The following SPOCK3 variants were observed in gnomAD, a reference collection of about 807,000 sequenced individuals.
SPOCK3 encodes testican-3.
SPOCK3 carries 30 observed loss-of-function variants against 56.6 expected under a neutral mutation model. The observed-to-expected ratio is 0.53, with a 90% confidence interval of 0.40 to 0.72. SPOCK3 has a LOEUF of 0.72. Among genes scored for constraint, SPOCK3 ranks in the 30% least tolerant of loss-of-function variants. The pLI is 0.00. For missense variants in SPOCK3, 527 were observed against 530.0 expected (o/e 0.99, Z 0.06); for synonymous variants, 196 against 183.3 (o/e 1.07, Z -0.56).
intron 6 of SPOCK3, among the ~76,000 whole-genome samples, chr4:166,862,388 C>T (rs1179079902): frequency 6.6e-6 from 1 of 151,808 alleles, no homozygotes; most frequent in Non-Finnish European, 1.5e-5. Flanking sequence ...TAAAAAGTAA[C>T]AAAGAGGGAA....
intron 5 of SPOCK3, among the ~76,000 whole-genome samples, chr4:166,905,701 C>A (rs1736533361): frequency 6.6e-6 from 1 of 151,770 alleles, no homozygotes; most frequent in Non-Finnish European, 1.5e-5. Context: ...TGCATGTATT[C>A]ATGGAGAAGG....
chr4:167,004,893 A>C (rs2150134916), intron 3 of SPOCK3, among the ~76,000 whole-genome samples: 1 of 152,296 alleles, frequency 6.6e-6, no homozygotes, highest in African/African-American at 2.4e-5. Flanking sequence ...GGTGACATCC[A>C]GATACTAATA....
At chr4:166,970,368 A>G (rs989242168) in intron 4 of SPOCK3, among the ~76,000 whole-genome samples, 3 of 152,204 alleles carry the variant, frequency 2.0e-5, no homozygotes, top group African/African-American at 4.8e-5. Context: ...TCTAACATCA[A>G]TGTACCACCA....
At chr4:167,126,112 G>A (rs1208695533) in intron 2 of SPOCK3, among the ~76,000 whole-genome samples, 1 of 152,150 alleles carries the variant, frequency 6.6e-6, no homozygotes, top group Non-Finnish European at 1.5e-5. Flanking sequence ...AGAAAAGAGT[G>A]AAAATTGTTA....
At chr4:167,185,289 T>C (rs1302255186) in intron 2 of SPOCK3, among the ~76,000 whole-genome samples, 1 of 152,198 alleles carries the variant, frequency 6.6e-6, no homozygotes, top group African/African-American at 2.4e-5. Flanking sequence ...TTAAACCCAG[T>C]TGACATTATG....
intron 2 of SPOCK3, among the ~76,000 whole-genome samples, chr4:167,134,016 C>CTTTTTCT: frequency 7.0e-6 from 1 of 142,314 alleles, no homozygotes; most frequent in African/African-American, 2.6e-5. Flanking sequence ...ACTTTTACAC[C>CTTTTTCT]TTTTTCTTTT....
rs528712695 is a variant in SPOCK3, at chr4:167,224,669, G to T, written c.189+9316C>A. ...AATAAAAAAGTACTTAAACTTTGTTGTTTTTTTTTAAGACTGAGTCTTGCT... is the reference window on the plus strand; with the variant it reads ...AATAAAAAAGTACTTAAACTTTGTTTTTTTTTTTTAAGACTGAGTCTTGCT... On this transcript the variant is annotated intron_variant, in intron 2 of 10. Coordinates refer to ENST00000357545, the MANE Select transcript of SPOCK3 (RefSeq NM_001040159.2). 4.4e-4 allele frequency among the ~76,000 whole-genome samples: 67 copies of T among 151,196 alleles called. 1 individual carries two copies. The highest frequency in any genetic ancestry group is 6.9e-3 in the Middle Eastern group (2 of 290).
At chr4:166,893,528 A>T (rs1321717882) in intron 5 of SPOCK3, among the ~76,000 whole-genome samples, 1 of 152,126 alleles carries the variant, frequency 6.6e-6, no homozygotes, top group East Asian at 1.9e-4. Flanking sequence ...TAAAAACAAG[A>T]CATATTTTTA....
chr4:166,860,426 C>T (rs1731110467), intron 6 of SPOCK3, among the ~76,000 whole-genome samples: 1 of 151,814 alleles, frequency 6.6e-6, no homozygotes, highest in Admixed American at 6.6e-5. Flanking sequence ...AGCTTTAAAA[C>T]AAATTTTAAA....
intron 3 of SPOCK3, among the ~76,000 whole-genome samples, chr4:167,010,087 T>G (rs138178124): frequency 6.6e-6 from 1 of 151,788 alleles, no homozygotes; most frequent in African/African-American, 2.4e-5. Context: ...GTGGGGGGAG[T>G]AAATTGAAAG....
At chr4:166,889,740 G>T (rs13113012) in intron 5 of SPOCK3, among the ~76,000 whole-genome samples, 92,173 of 151,562 alleles carry the variant, frequency 0.61, 28,571 homozygotes, top group East Asian at 0.75. Flanking sequence ...GGCCCATCTT[G>T]TATCCCCCAG....
At chr4:166,822,366 T>C (rs764188538) in intron 6 of SPOCK3, among the ~76,000 whole-genome samples, 2 of 152,082 alleles carry the variant, frequency 1.3e-5, no homozygotes, top group African/African-American at 2.4e-5. Context: ...ATGGGAATTA[T>C]AGGAGCTATC....
rs899101945 is a variant in SPOCK3, at chr4:166,881,224, A to AT, written c.589+7905dup. ...ATAGAAACATCAGTCACATAATTGCATTTTTTTTCCTTTTCTTATTTAGTC... is the reference window on the plus strand; with the variant it reads ...ATAGAAACATCAGTCACATAATTGCATTTTTTTTTCCTTTTCTTATTTAGTC... On this transcript the variant is annotated intron_variant, in intron 6 of 10. Transcript: ENST00000357545. 4.0e-5 allele frequency among the ~76,000 whole-genome samples: 6 copies of AT among 151,800 alleles called. No homozygotes were observed. In the South Asian group the frequency reaches 6.2e-4, roughly 16 times the overall value.
intron 8 of SPOCK3, among the ~76,000 whole-genome samples, chr4:166,742,645 C>A (rs139942236): frequency 2.0e-5 from 3 of 151,858 alleles, no homozygotes; most frequent in African/African-American, 7.3e-5. Context: ...AGATATTAGT[C>A]TTTTTAGTTT....
At chr4:167,021,123 G>T (rs1751130093) in intron 3 of SPOCK3, among the ~76,000 whole-genome samples, 1 of 151,792 alleles carries the variant, frequency 6.6e-6, no homozygotes, top group Non-Finnish European at 1.5e-5. Context: ...TAAGAATACT[G>T]GACCTTGAAA....
intron 2 of SPOCK3, among the ~76,000 whole-genome samples, chr4:167,123,770 G>C (rs1292901835): frequency 2.2e-5 from 3 of 137,034 alleles, no homozygotes; most frequent in African/African-American, 8.2e-5. Context: ...TTAAGACTGA[G>C]TCTTCCTCTG....
chr4:167,226,849 T>A (rs905026258), intron 2 of SPOCK3, among the ~76,000 whole-genome samples: 1 of 152,104 alleles, frequency 6.6e-6, no homozygotes, highest in African/African-American at 2.4e-5. Context: ...GATGGTCTCA[T>A]GCTTGCAAAA....
At chr4:166,947,522 T>G (rs1037791970) in intron 4 of SPOCK3, among the ~76,000 whole-genome samples, 1 of 152,162 alleles carries the variant, frequency 6.6e-6, no homozygotes, top group East Asian at 1.9e-4. Flanking sequence ...GGAAACATTC[T>G]CACAAATGAG....
chr4:167,034,231 A>T (rs981961769), intron 3 of SPOCK3, among the ~76,000 whole-genome samples: 24 of 152,036 alleles, frequency 1.6e-4, no homozygotes, highest in Non-Finnish European at 2.9e-5. Context: ...AATTGTATTT[A>T]CTATTTTTTC....
Sources: gnomAD v4.1 joint callset for allele counts (sites outside exome capture counted in the v4.1 genomes callset) on GRCh38, gnomAD v4.1.1 for gene constraint, MANE v1.5 for transcripts, NCBI Gene and HGNC (gene_info 2026-07-23, HGNC 2026-07-21) for gene names.